The following TRPC4AP variants were observed in gnomAD, a reference collection of about 807,000 sequenced individuals.
TRPC4AP encodes the protein short transient receptor potential channel 4-associated protein.
TRPC4AP carries 45 observed loss-of-function variants against 99.0 expected under a neutral mutation model. The ratio of observed to expected loss-of-function variants is 0.45; its 90% CI spans 0.36 to 0.58. The LOEUF (loss-of-function observed/expected upper bound fraction) is 0.58, where lower values mean the gene tolerates loss of function less well. TRPC4AP is among the 20% of genes least tolerant of loss of function. The probability of loss-of-function intolerance (pLI) is 0.00; values close to 1 mark genes in which losing one functional copy is unlikely to be tolerated. For missense variants in TRPC4AP, 879 were observed against 985.3 expected, an observed-to-expected ratio of 0.89 and a Z score of 1.44; for synonymous variants, 408 against 385.8, an observed-to-expected ratio of 1.06 and a Z score of -0.67.
intron 10 of TRPC4AP, among the ~76,000 whole-genome samples, chr20:35,015,607 C>A (rs1412902965): frequency 6.6e-6 from 1 of 151,836 alleles, no homozygotes; most frequent in Non-Finnish European, 1.5e-5. Context: ...GGATTACAGG[C>A]ACCCAACACC....
At chr20:35,028,989 T>C (rs1247563505) in intron 8 of TRPC4AP, among the ~76,000 whole-genome samples, 1 of 152,170 alleles carries the variant, frequency 6.6e-6, no homozygotes, top group African/African-American at 2.4e-5. Context: ...TGGTGGCTCA[T>C]GCCTGTAATC....
chr20:35,038,757 GGTGT>G (rs2147346123), intron 7 of TRPC4AP, among the ~76,000 whole-genome samples: 1 of 137,524 alleles, frequency 7.3e-6, no homozygotes, highest in Non-Finnish European at 1.6e-5. Context: ...AAAAATTTTA[GGTGT>G]GTATTATTTT....
intron 7 of TRPC4AP, among the ~76,000 whole-genome samples, chr20:35,043,233 T>C (rs866421983): frequency 9.2e-5 from 14 of 152,016 alleles, no homozygotes; most frequent in African/African-American, 3.1e-4. Context: ...TTACAAATAA[T>C]GTTGCAATGA....
rs1555904985 is a variant in TRPC4AP at position 35,024,825 on chromosome 20, C to CCA, written c.1052-3470_1052-3469insTG. 1.7e-3 allele frequency among the ~76,000 whole-genome samples: 60 copies of CCA among 35,856 alleles called. 6 individuals are homozygous for CCA. The highest frequency in any genetic ancestry group is 1.9e-3 in the African/African-American group (17 of 8,748). 23.5% of individuals were successfully genotyped at this position (35,856 alleles called of 152,430 possible). On this transcript the variant is annotated intron_variant, in intron 8 of 18. Coordinates refer to ENST00000252015, the MANE Select transcript of TRPC4AP (RefSeq NM_015638.3). ...CCTAGGTGACAGAGAGAGACCGTCT[C>CCA]AAAAAAAAAAAAAAAAAAAAAAAAA...
chr20:35,041,616 C>T (rs1219655128), intron 7 of TRPC4AP, among the ~76,000 whole-genome samples: 4 of 152,172 alleles, frequency 2.6e-5, no homozygotes, highest in Admixed American at 2.6e-4. Context: ...CCCAGCTGAC[C>T]AGAACAGTTC....
intron 10 of TRPC4AP, among the ~76,000 whole-genome samples, chr20:35,015,328 C>T (rs1569086698): frequency 6.6e-6 from 1 of 152,008 alleles, no homozygotes; most frequent in Non-Finnish European, 1.5e-5. Flanking sequence ...ATGAAAATTA[C>T]AATAGGATAA....
chr20:35,086,495 A>ATGTG lies in TRPC4AP; in HGVS notation c.168+6115_168+6118dup, dbSNP rs1569157724. Among the ~76,000 whole-genome samples, 46 of 109,212 alleles carry ATGTG rather than the reference A, an allele frequency of 4.2e-4. 4 individuals carry two copies. Among genetic ancestry groups the ATGTG allele is most frequent in the East Asian group, 1.9e-3 (7 of 3,740 alleles). 71.6% of individuals were successfully genotyped at this position (109,212 alleles called of 152,430 possible). A position where few individuals can be genotyped will look rare whatever the true frequency, so the allele number is the denominator to read the frequency against. On this transcript the variant is annotated intron_variant, in intron 1 of 18. Coordinates refer to ENST00000252015, the MANE Select transcript of TRPC4AP (RefSeq NM_015638.3). ...TGTGTGTATGTGTGTGTATATATATATGTGTATATATATGTGTGTGTGTGT... is the reference window on the plus strand; with the variant it reads ...TGTGTGTATGTGTGTGTATATATATATGTGTGTGTATATATATGTGTGTGTGTGT...
chr20:35,092,699 C>T lies in TRPC4AP; in HGVS notation c.83G>A (p.Trp28Ter). 2 of 1,548,070 alleles carry T rather than the reference C, an allele frequency of 1.3e-6. No homozygotes were observed. The highest frequency in any genetic ancestry group is 1.7e-6 in the Non-Finnish European group (2 of 1,157,944). ...GTTACCAGGCCGCGGCCGGCCGCCCCATCCGCCCCAAGCCGCCACTGTGGC... is the reference window on the plus strand; with the variant it reads ...GTTACCAGGCCGCGGCCGGCCGCCCTATCCGCCCCAAGCCGCCACTGTGGC... ...SAATVAAWGG[W>*]GGRPRPGNIL... Residue 28 changes from tryptophan (W) to a stop codon, truncating the protein, a stop_gained, in exon 1 of 19, where the codon TGG (tryptophan) becomes TAG (stop). Coordinates refer to ENST00000252015, the MANE Select transcript of TRPC4AP (RefSeq NM_015638.3). LOFTEE classifies it high-confidence loss of function.
chr20:35,058,248 T>C (rs975429470), intron 3 of TRPC4AP, among the ~76,000 whole-genome samples: 8 of 152,170 alleles, frequency 5.3e-5, no homozygotes, highest in African/African-American at 7.2e-5. Flanking sequence ...CTTTCAATAA[T>C]AGACAACTAG....
At chr20:35,056,131 T>C (rs2083820424) in intron 4 of TRPC4AP, among the ~76,000 whole-genome samples, 1 of 152,220 alleles carries the variant, frequency 6.6e-6, no homozygotes, top group Non-Finnish European at 1.5e-5. Context: ...ACGCAGACGC[T>C]CTGCATCCCT....
At position 35,004,516 on chromosome 20, in the gene TRPC4AP, G is replaced by A. The variant is rs137973902; in HGVS notation, c.1991C>T (p.Thr664Met). ...GAGGCGGAAGAGGAAGGACATCTGCGTGGGCACCTGGGATATGTAGGCGAG... is the reference window on the plus strand; with the variant it reads ...GAGGCGGAAGAGGAAGGACATCTGCATGGGCACCTGGGATATGTAGGCGAG... ...RLLAYISQVP[T>M]QMSFLFRLIN... The change falls in exon 17 of 19, where the codon ACG becomes ATG. Residue 664 changes from threonine (T) to methionine (M), a missense_variant. Physicochemically the swap from Thr to Met is moderately conservative, Grantham distance 81. Transcript: ENST00000252015. 1.1e-5 allele frequency: 18 copies of A among 1,614,016 alleles called. No homozygotes were observed. The highest frequency in any genetic ancestry group is 1.6e-4 in the Middle Eastern group (1 of 6,084).
At position 35,049,628 on chromosome 20, in the gene TRPC4AP, C is replaced by A. The variant is rs540424437; in HGVS notation, c.657+238G>T. Reference sequence around the variant, plus strand: ...AGGCATCACCCTACATTCACAGAGTCAATCTGAAGTTCTGAGTTTTAGAAT... The same window carrying A: ...AGGCATCACCCTACATTCACAGAGTAAATCTGAAGTTCTGAGTTTTAGAAT... On this transcript the variant is annotated intron_variant, in intron 6 of 18. Transcript: ENST00000252015. Among the ~76,000 whole-genome samples, 3 of 152,276 alleles carry A rather than the reference C, an allele frequency of 2.0e-5. No individual in the cohort carries two copies. The South Asian group carries it at 6.2e-4, about 32-fold the overall frequency.
intron 1 of TRPC4AP, among the ~76,000 whole-genome samples, chr20:35,081,090 AAAG>A (rs2084633293): frequency 6.6e-6 from 1 of 152,204 alleles, no homozygotes; most frequent in Non-Finnish European, 1.5e-5. Flanking sequence ...GAAATATTTA[AAAG>A]AAGAAAGAAG....
In TRPC4AP at chr20:35,060,820, G is replaced by A. The variant is rs569672322; in HGVS notation, c.415-3249C>T. On this transcript the variant is annotated intron_variant, in intron 3 of 18. Transcript: ENST00000252015. ...ACTTTCATGATAAAACAATCAACAA[G>A]GAATAGAAGAGAACTTCTTCAGCCT... Among the ~76,000 whole-genome samples the A allele has an allele frequency of 3.3e-5, 5 of 151,926 alleles. No homozygotes were observed. The South Asian group carries it at 1.0e-3, about 32-fold the overall frequency.
At chr20:35,009,249 C>T (rs890146844) in intron 12 of TRPC4AP, among the ~76,000 whole-genome samples, 7 of 152,192 alleles carry the variant, frequency 4.6e-5, no homozygotes, top group African/African-American at 1.4e-4. Flanking sequence ...CGGCCAGGCA[C>T]GCAGGGGTCT....
chr20:35,069,856 A>C (rs752703530), intron 2 of TRPC4AP, among the ~76,000 whole-genome samples: 15 of 152,096 alleles, frequency 9.9e-5, no homozygotes, highest in Non-Finnish European at 2.1e-4. Flanking sequence ...TACAAGAAGC[A>C]CTTGAGCCAC....
chr20:35,078,447 T>C (rs2084543937), intron 1 of TRPC4AP, among the ~76,000 whole-genome samples: 4 of 152,150 alleles, frequency 2.6e-5, no homozygotes, highest in African/African-American at 7.2e-5. Flanking sequence ...CGTAAATATA[T>C]ACTGGAAATT....
At chr20:35,021,922 C>T (rs2082899689) in intron 8 of TRPC4AP, among the ~76,000 whole-genome samples, 1 of 152,228 alleles carries the variant, frequency 6.6e-6, no homozygotes, top group Non-Finnish European at 1.5e-5. Flanking sequence ...ATATTATCTA[C>T]AGGCAGATTT....
chr20:35,033,239 T>G (rs1296741678), intron 8 of TRPC4AP, among the ~76,000 whole-genome samples: 1 of 152,184 alleles, frequency 6.6e-6, no homozygotes, highest in Admixed American at 6.5e-5. Flanking sequence ...GGATACTGAT[T>G]CCCCCTCCTT....
Sources: gnomAD v4.1 joint callset for allele counts (sites outside exome capture counted in the v4.1 genomes callset) on GRCh38, gnomAD v4.1.1 for gene constraint, MANE v1.5 for transcripts, NCBI Gene and HGNC (gene_info 2026-07-23, HGNC 2026-07-21) for gene names.